Variants in NAV3 observed in about 807,000 individuals in gnomAD.
NAV3 encodes neuron navigator 3.
A neutral mutation model predicts 244.7 loss-of-function variants in NAV3; 87 were observed. The ratio of observed to expected loss-of-function variants is 0.36; its 90% confidence interval spans 0.30 to 0.42. The LOEUF (loss-of-function observed/expected upper bound fraction) is 0.42, where lower values mean the gene tolerates loss of function less well. Ranked by LOEUF, NAV3 falls within the 20% of genes least tolerant of loss-of-function variation. NAV3 has a pLI of 1.00. For missense variants in NAV3, 2,663 were observed against 2,893.3 expected, an observed-to-expected ratio of 0.92 and a Z score of 1.83; for synonymous variants, 1,126 against 1,042.2, an observed-to-expected ratio of 1.08 and a Z score of -1.55.
intron 3 of NAV3, among the ~76,000 whole-genome samples, chr12:77,961,474 C>G (rs1891980136): frequency 8.8e-6 from 1 of 114,272 alleles, no homozygotes. Flanking sequence ...ACATATGTAT[C>G]TATTACATGT....
chr12:78,068,615 A>C (rs1400796980), intron 12 of NAV3, among the ~76,000 whole-genome samples: 1 of 147,244 alleles, frequency 6.8e-6, no homozygotes, highest in Non-Finnish European at 1.5e-5. Flanking sequence ...ATTATATATA[A>C]TATATAATTA....
rs924096297 is a variant in NAV3, at chr12:77,703,860, G to C, written c.72+131594G>C. 4.6e-5 allele frequency among the ~76,000 whole-genome samples: 7 copies of C among 152,200 alleles called. No homozygotes were observed. The South Asian group carries it at 6.2e-4, about 14-fold the overall frequency. On this transcript the variant is annotated intron_variant, in intron 2 of 8. Transcript: ENST00000550042. Reference sequence around the variant, plus strand: ...GAGATATCTTTTGCAACTTAAGTTAGTTAAAATGCTGCAGAAGTGAGAAGA... The same window carrying C: ...GAGATATCTTTTGCAACTTAAGTTACTTAAAATGCTGCAGAAGTGAGAAGA...
chr12:77,573,937 G>A (rs747533760), intron 2 of NAV3, among the ~76,000 whole-genome samples: 4 of 152,094 alleles, frequency 2.6e-5, no homozygotes, highest in Non-Finnish European at 5.9e-5. Context: ...TGAGTTCTTT[G>A]TGTGGAACTG....
intron 31 of NAV3, among the ~76,000 whole-genome samples, chr12:78,187,821 T>A (rs1393292056): frequency 1.3e-5 from 2 of 151,908 alleles, no homozygotes; most frequent in African/African-American, 4.8e-5. Flanking sequence ...AATAGTAAGA[T>A]AAAGTTCTAG....
upstream of NAV3, among the ~76,000 whole-genome samples, chr12:77,826,074 G>C (rs1872983162): frequency 6.6e-6 from 1 of 152,148 alleles, no homozygotes; most frequent in African/African-American, 2.4e-5. Context: ...TACATTGCTA[G>C]TGGGAGTTCA....
At chr12:77,972,002 C>T (rs1690251706) in intron 5 of NAV3, among the ~76,000 whole-genome samples, 1 of 151,998 alleles carries the variant, frequency 6.6e-6, no homozygotes, top group Non-Finnish European at 1.5e-5. Flanking sequence ...GAATAGCTTT[C>T]ATTTAAACAG....
chr12:78,098,377 T>A (rs1426876640), intron 12 of NAV3, among the ~76,000 whole-genome samples: 1 of 152,006 alleles, frequency 6.6e-6, no homozygotes, highest in Non-Finnish European at 1.5e-5. Flanking sequence ...GATATTACTA[T>A]AAAACATCAA....
At chr12:77,573,276 G>T (rs1296309930) in intron 2 of NAV3, among the ~76,000 whole-genome samples, 2 of 152,124 alleles carry the variant, frequency 1.3e-5, no homozygotes, top group South Asian at 2.1e-4. Flanking sequence ...TTTAGAAGAG[G>T]CTGTGCTGAG....
intron 1 of NAV3, among the ~76,000 whole-genome samples, chr12:77,899,972 C>T (rs1267149047): frequency 6.6e-6 from 1 of 152,080 alleles, no homozygotes; most frequent in African/African-American, 2.4e-5. Context: ...CACCAATGAT[C>T]CTGTCCCCCA....
intron 5 of NAV3, among the ~76,000 whole-genome samples, chr12:77,990,792 A>G (rs1026075774): frequency 1.3e-5 from 2 of 152,112 alleles, no homozygotes; most frequent in Non-Finnish European, 2.9e-5. Flanking sequence ...ATAAGACTCT[A>G]TAGGTTTTCC....
At chr12:77,581,654 T>C (rs182574997) in intron 2 of NAV3, among the ~76,000 whole-genome samples, 2 of 152,320 alleles carry the variant, frequency 1.3e-5, no homozygotes, top group East Asian at 3.9e-4. Flanking sequence ...TAAGTAATTG[T>C]CTCAGAACTT....
intron 5 of NAV3, among the ~76,000 whole-genome samples, chr12:77,992,217 G>A (rs1871568447): frequency 6.6e-6 from 1 of 151,936 alleles, no homozygotes; most frequent in Admixed American, 6.6e-5. Flanking sequence ...TCAAATATTC[G>A]ATTCTGAAGT....
chr12:78,177,324 C>T lies in NAV3; in HGVS notation c.5297+11C>T, dbSNP rs1958277805. On this transcript the variant is annotated intron_variant, in intron 27 of 39. Coordinates refer to ENST00000397909, the MANE Select transcript of NAV3 (RefSeq NM_001024383.2). ...ACAATCTGCTTCAGCGTAAGTTGCT[C>T]CTTCTGCAAAATGCAGACATATTTT... 1.3e-6 allele frequency: 2 copies of T among 1,596,518 alleles called. No homozygotes were observed. Among genetic ancestry groups the T allele is most frequent in the East Asian group, 2.2e-5 (1 of 44,698 alleles).
intron 9 of NAV3, among the ~76,000 whole-genome samples, chr12:78,027,206 C>A (rs1159275458): frequency 6.6e-6 from 1 of 151,712 alleles, no homozygotes; most frequent in East Asian, 1.9e-4. Flanking sequence ...GAGACCAAGG[C>A]AGGACGACTG....
chr12:78,202,076 G>A (rs567945673), intron 38 of NAV3, among the ~76,000 whole-genome samples: 20 of 151,644 alleles, frequency 1.3e-4, no homozygotes, highest in Non-Finnish European at 2.5e-4. Flanking sequence ...CACTTTTAAA[G>A]GTATGAGCCA....
intron 1 of NAV3, among the ~76,000 whole-genome samples, chr12:77,894,217 AC>A (rs1191130201): frequency 6.6e-6 from 1 of 151,814 alleles, no homozygotes; most frequent in Non-Finnish European, 1.5e-5. Context: ...TGTTGTCACC[AC>A]CCCCCACCCC....
intron 1 of NAV3, among the ~76,000 whole-genome samples, chr12:77,904,564 A>G (rs1210826753): frequency 6.6e-6 from 1 of 152,214 alleles, no homozygotes. Flanking sequence ...TAATGGGTGC[A>G]GCACACCAAC....
chr12:77,954,254 C>T (rs1401061314), intron 3 of NAV3, among the ~76,000 whole-genome samples: 1 of 152,184 alleles, frequency 6.6e-6, no homozygotes, highest in Non-Finnish European at 1.5e-5. Context: ...TTCTTACATT[C>T]AACCATATAT....
chr12:77,804,946 T>A (rs1216409322), intron 2 of NAV3, among the ~76,000 whole-genome samples: 1 of 152,186 alleles, frequency 6.6e-6, no homozygotes, highest in Non-Finnish European at 1.5e-5. Context: ...TGAATAGGAT[T>A]CACTCATGAT....
Sources: allele counts gnomAD v4.1 joint callset (sites outside exome capture counted in the v4.1 genomes callset), GRCh38; gene constraint gnomAD v4.1.1; transcripts MANE v1.5; gene names NCBI Gene and HGNC (gene_info 2026-07-23, HGNC 2026-07-21).